The following TOMM70 variants were observed in gnomAD, a reference collection of about 807,000 sequenced individuals.
TOMM70 encodes the protein translocase of outer mitochondrial membrane 70.
In TOMM70, 13 loss-of-function variants were observed where a neutral mutation model predicts 73.6. That is an observed-to-expected ratio of 0.18 (90% CI 0.11 to 0.28). The LOEUF (loss-of-function observed/expected upper bound fraction) is 0.28. TOMM70 is among the 10% of genes least tolerant of loss of function. The pLI, the probability that TOMM70 is intolerant of heterozygous loss-of-function variation, is 1.00. For synonymous variants in TOMM70, 257 were observed against 271.2 expected, an observed-to-expected ratio of 0.95 and a Z score of 0.51; for missense variants, 609 against 747.5, an observed-to-expected ratio of 0.81 and a Z score of 2.16.
Position 100,363,472 on chromosome 3 carries a change from A to G in TOMM70, c.*2092T>C, listed in dbSNP as rs371471171. On this transcript the variant is annotated 3_prime_UTR_variant, in exon 12 of 12. Transcript: ENST00000284320. ...GAATAGATAGAAGAGCTTGAATGTA[A>G]TATTTATTTGGTGAATTTACATGTG... The G allele has an allele frequency of 2.0e-5, 3 of 152,620 alleles. No homozygotes were observed. Among genetic ancestry groups the G allele is most frequent in the African/African-American group, 7.2e-5 (3 of 41,444 alleles). 9.5% of individuals were successfully genotyped at this position (152,620 alleles called of 1,614,324 possible).
chr3:100,393,329 G>A (rs1706784717), intron 1 of TOMM70, among the ~76,000 whole-genome samples: 1 of 152,152 alleles, frequency 6.6e-6, no homozygotes, highest in Non-Finnish European at 1.5e-5. Flanking sequence ...AATATCCTAA[G>A]TGAAGTAACT....
chr3:100,374,133 T>C (rs945827544), intron 7 of TOMM70, among the ~76,000 whole-genome samples: 2 of 152,238 alleles, frequency 1.3e-5, no homozygotes, highest in African/African-American at 4.8e-5. Context: ...TCCCAAAAGA[T>C]TGTAATACTG....
chr3:100,369,199 T>C (rs1413884389), intron 9 of TOMM70, 64 bp from the exon 10 acceptor site: 6 of 1,085,320 alleles, frequency 5.5e-6, no homozygotes, highest in Non-Finnish European at 8.1e-6. Flanking sequence ...AAAAGTATAC[T>C]TATTATTCAT....
At chr3:100,372,378 G>C (rs964764711) in intron 9 of TOMM70, 1 of 375,424 alleles carries the variant, frequency 2.7e-6, no homozygotes, top group African/African-American at 2.1e-5. Context: ...GGAAATTCTC[G>C]CCTTAAGCTT....
At chr3:100,369,645 C>T (rs1183274998) in intron 9 of TOMM70, among the ~76,000 whole-genome samples, 1 of 151,914 alleles carries the variant, frequency 6.6e-6, no homozygotes, top group Non-Finnish European at 1.5e-5. Context: ...GGACTACAGG[C>T]GCCCAACACC....
chr3:100,366,103 G>A (rs1464076103), intron 11 of TOMM70, among the ~76,000 whole-genome samples: 4 of 152,190 alleles, frequency 2.6e-5, no homozygotes, highest in African/African-American at 9.7e-5. Context: ...CTGTTAACAT[G>A]AGACTCCTTT....
intron 5 of TOMM70, among the ~76,000 whole-genome samples, chr3:100,378,876 G>C (rs1044366960): frequency 6.6e-6 from 1 of 152,110 alleles, no homozygotes; most frequent in African/African-American, 2.4e-5. Context: ...GCGTGGTGGC[G>C]GGTGCCTATA....
At chr3:100,376,885 AAACATAT>A (rs1304503468) in intron 6 of TOMM70, among the ~76,000 whole-genome samples, 5 of 152,212 alleles carry the variant, frequency 3.3e-5, no homozygotes, top group African/African-American at 4.8e-5. Flanking sequence ...ATTATAACAA[AAACATAT>A]AACATATATC....
chr3:100,384,389 C>G, intron 4 of TOMM70, 90 bp downstream of exon 4: 2 of 838,634 alleles, frequency 2.4e-6, no homozygotes, highest in Non-Finnish European at 3.6e-6. Context: ...TTGCCATTAC[C>G]ACTATGCCTA....
chr3:100,377,667 C>G, intron 6 of TOMM70, 38 bp downstream of exon 6: 9 of 1,579,162 alleles, frequency 5.7e-6, no homozygotes, highest in Non-Finnish European at 6.9e-6. Flanking sequence ...GCATCGCCTT[C>G]TATTTAATAA....
At chr3:100,392,487 G>A (rs1324204565) in intron 1 of TOMM70, among the ~76,000 whole-genome samples, 4 of 152,006 alleles carry the variant, frequency 2.6e-5, no homozygotes, top group African/African-American at 7.2e-5. Flanking sequence ...GTGTGACCTC[G>A]GCTCACTGCA....
In TOMM70 at chr3:100,376,369, G is replaced by GTTTTTTTTTT. The variant is rs141227349; in HGVS notation, c.1093-1227_1093-1218dup. On this transcript the variant is annotated intron_variant, in intron 6 of 11. Coordinates refer to ENST00000284320, the MANE Select transcript of TOMM70 (RefSeq NM_014820.5). ...CTTGATGGTGTCTTTTCACACAGAA[G>GTTTTTTTTTT]TTTTTTTTTTTTTTTGAGACAGGAT... Among the ~76,000 whole-genome samples, 52 of 121,764 alleles carry GTTTTTTTTTT rather than the reference G, an allele frequency of 4.3e-4. 5 individuals carry two copies. Among genetic ancestry groups the GTTTTTTTTTT allele is most frequent in the East Asian group, 2.6e-3 (9 of 3,444 alleles). The allele number at this position is 121,764 out of a possible 152,430, so 79.9% of individuals were successfully genotyped here.
chr3:100,371,938 T>C (rs888342993), intron 9 of TOMM70: 9 of 152,180 alleles, frequency 5.9e-5, no homozygotes, highest in African/African-American at 1.9e-4. Context: ...ACCCCTGATA[T>C]AGAGTATTGA....
At position 100,377,731 on chromosome 3, in the gene TOMM70, T is replaced by C; in HGVS notation, c.1066A>G (p.Ile356Val). The C allele has an allele frequency of 1.2e-6, 2 of 1,613,584 alleles. No individual in the cohort carries two copies. The highest frequency in any genetic ancestry group is 3.3e-4 in the Middle Eastern group (2 of 6,060). Residue 356 changes from isoleucine to valine, a missense_variant, in exon 6 of 12, where the codon ATC (isoleucine) becomes GTC (valine). By Grantham distance (29) the Ile-to-Val change is conservative (BLOSUM62 3). Around this residue, in one of 2 missense-constraint regions of TOMM70, gnomAD observed 432 missense variants for 584.1 expected, o/e 0.74. Coordinates refer to ENST00000284320, the MANE Select transcript of TOMM70 (RefSeq NM_014820.5). ...TTCACATTAGCTTCTTTCAAACTGA[T>C]GACTTTATCTAAATCTGGTTTGGCT... Reference protein sequence around the residue: ...NAAKPDLDKVISLKEANVKLR... With the variant: ...NAAKPDLDKVVSLKEANVKLR...
chr3:100,391,002 G>A (rs1218671654), intron 1 of TOMM70, among the ~76,000 whole-genome samples: 2 of 152,140 alleles, frequency 1.3e-5, no homozygotes, highest in African/African-American at 4.8e-5. Flanking sequence ...TTAGCCAGGT[G>A]TGGTGGTGGG....
In TOMM70 at chr3:100,375,074, T is replaced by C; in HGVS notation, c.1171A>G (p.Asn391Asp). ...TGAGGATCGATGTCAGCAGCCATGT[T>C]AAAATCTTGAGTGGACAGCAAAGGC... Reference protein sequence around the residue: ...QQPLLSTQDFNMAADIDPQNA... With the variant: ...QQPLLSTQDFDMAADIDPQNA... The change falls in exon 7 of 12, where the codon AAC becomes GAC. Residue 391 changes from asparagine (N) to aspartate (D), a missense_variant. By Grantham distance (23) the Asn-to-Asp change is conservative. Around this residue, in one of 2 missense-constraint regions of TOMM70, gnomAD observed 432 missense variants for 584.1 expected, o/e 0.74. Coordinates refer to ENST00000284320, the MANE Select transcript of TOMM70 (RefSeq NM_014820.5). 1.9e-6 allele frequency: 3 copies of C among 1,610,346 alleles called. No individual in the cohort carries two copies. The highest frequency in any genetic ancestry group is 2.5e-6 in the Non-Finnish European group (3 of 1,178,684).
At chr3:100,388,143 T>A (rs1014747105) in intron 1 of TOMM70, among the ~76,000 whole-genome samples, 5 of 152,194 alleles carry the variant, frequency 3.3e-5, no homozygotes, top group Admixed American at 2.6e-4. Flanking sequence ...CTTTGAGACA[T>A]AAATTTAATT....
Position 100,365,523 on chromosome 3 carries a change from G to A in TOMM70, c.*41C>T. 2 of 1,613,198 alleles carry A rather than the reference G, an allele frequency of 1.2e-6. No individual in the cohort carries two copies. Among genetic ancestry groups the A allele is most frequent in the Non-Finnish European group, 1.7e-6 (2 of 1,179,324 alleles). On this transcript the variant is annotated 3_prime_UTR_variant, in exon 12 of 12. Transcript: ENST00000284320. ...TCTTTAGGGTTCAGTTGAAGAGGGG[G>A]TAAACTTTTAAAAAGAGGGTCAGTC...
intron 3 of TOMM70, 83 bp downstream of exon 3, chr3:100,386,135 C>A: frequency 6.9e-7 from 1 of 1,457,746 alleles, no homozygotes; most frequent in Non-Finnish European, 9.2e-7. Flanking sequence ...GATTCTTGCA[C>A]TCACAAGGCA....
Sources: allele counts gnomAD v4.1 joint callset (sites outside exome capture counted in the v4.1 genomes callset), GRCh38; gene constraint gnomAD v4.1.1; regional missense constraint gnomAD v4.1.1; transcripts MANE v1.5; gene names NCBI Gene and HGNC (gene_info 2026-07-23, HGNC 2026-07-21).